SPATA6: variants seen among roughly 807,000 people sequenced by gnomAD.
The protein encoded by SPATA6 is spermatogenesis associated 6, also known as spermatogenesis-associated protein 6.
SPATA6 carries 56 observed loss-of-function variants against 65.3 expected under a neutral mutation model. The ratio of observed to expected loss-of-function variants is 0.86; its 90% confidence interval spans 0.69 to 1.07. The LOEUF is 1.07. Ranked by LOEUF, SPATA6 falls within the 50% of genes least tolerant of loss-of-function variation. The probability of loss-of-function intolerance (pLI) is 0.00; values close to 1 mark genes in which losing one functional copy is unlikely to be tolerated. For synonymous variants in SPATA6, 199 were observed against 213.2 expected (o/e 0.93, Z 0.58); for missense variants, 590 against 594.8 (o/e 0.99, Z 0.08).
the SPATA6 span, among the ~76,000 whole-genome samples, chr1:48,263,627 A>G: frequency 1.3e-5 from 2 of 152,164 alleles, no homozygotes; most frequent in African/African-American, 4.8e-5. Flanking sequence ...GACTGAAGTC[A>G]TGTCCCTACT....
intron 9 of SPATA6, among the ~76,000 whole-genome samples, chr1:48,363,427 CA>C (rs1278734318): frequency 6.6e-6 from 1 of 152,216 alleles, no homozygotes; most frequent in Admixed American, 6.5e-5. Flanking sequence ...AGACCCTGAG[CA>C]AGTCATTTAC....
chr1:48,318,846 A>G (rs1645516072), intron 11 of SPATA6, among the ~76,000 whole-genome samples: 1 of 152,210 alleles, frequency 6.6e-6, no homozygotes, highest in Non-Finnish European at 1.5e-5. Flanking sequence ...TGGAAGACTA[A>G]CAATTCCTGA....
rs142190268 is a variant in SPATA6, at chr1:48,324,209, T to C, written c.1195-18331A>G. Among the ~76,000 whole-genome samples, 799 of 152,278 alleles carry C rather than the reference T, an allele frequency of 5.2e-3. 20 individuals carry two copies. Among genetic ancestry groups the C allele is most frequent in the South Asian group, 0.05 (242 of 4,824 alleles). ...CTGGGCTCAAGAGATTCTCCCGCCT[T>C]GGCCTCCCAAAATGCTGGGATTACA... On this transcript the variant is annotated intron_variant, in intron 11 of 12. Transcript: ENST00000371847.
intron 1 of SPATA6, among the ~76,000 whole-genome samples, chr1:48,471,241 G>GT (rs1658217170): frequency 6.6e-6 from 1 of 152,198 alleles, no homozygotes. Flanking sequence ...AGTCTGGAGA[G>GT]TGAAGGGGTG....
chr1:48,267,752 G>GA, the SPATA6 span, among the ~76,000 whole-genome samples: 1 of 72,676 alleles, frequency 1.4e-5, no homozygotes, highest in Non-Finnish European at 2.4e-5. Context: ...TAGGGTCTGG[G>GA]TTTTTTTTTT....
At chr1:48,325,445 T>G in intron 11 of SPATA6, 3 of 1,235,154 alleles carry the variant, frequency 2.4e-6, no homozygotes, top group Non-Finnish European at 3.6e-6. Context: ...CCACTGCAGT[T>G]TGCACTATGT....
chr1:48,266,991 A>G, the SPATA6 span, among the ~76,000 whole-genome samples: 1 of 152,114 alleles, frequency 6.6e-6, no homozygotes, highest in South Asian at 2.1e-4. Context: ...ATTTTCTTTA[A>G]CCACAGAATA....
the SPATA6 span, among the ~76,000 whole-genome samples, chr1:48,270,210 C>T: frequency 3.3e-5 from 5 of 152,112 alleles, no homozygotes; most frequent in Non-Finnish European, 7.4e-5. Flanking sequence ...CATGAACTCT[C>T]AGGTCAGTTA....
At chr1:48,286,976 T>A in the SPATA6 span, among the ~76,000 whole-genome samples, 1,264 of 150,932 alleles carry the variant, frequency 8.4e-3, 23 homozygotes, top group African/African-American at 0.03. Flanking sequence ...GAGGCAGAAG[T>A]TGCAGTGAGC....
At chr1:48,264,372 C>CT in the SPATA6 span, among the ~76,000 whole-genome samples, 1 of 151,992 alleles carries the variant, frequency 6.6e-6, no homozygotes, top group Non-Finnish European at 1.5e-5. Context: ...TATTAAAAAT[C>CT]TTTTTTTGTT....
intron 8 of SPATA6, among the ~76,000 whole-genome samples, chr1:48,386,169 C>T (rs887160050): frequency 6.6e-5 from 10 of 152,110 alleles, no homozygotes; most frequent in African/African-American, 2.4e-4. Context: ...ATCAGAGAGT[C>T]AGAGTGATGA....
At chr1:48,282,891 T>A in the SPATA6 span, among the ~76,000 whole-genome samples, 1 of 152,108 alleles carries the variant, frequency 6.6e-6, no homozygotes, top group Admixed American at 6.5e-5. Flanking sequence ...CACATACATT[T>A]ATTGTGGCAC....
intron 11 of SPATA6, among the ~76,000 whole-genome samples, chr1:48,327,434 T>C (rs891226551): frequency 4.6e-5 from 7 of 152,214 alleles, no homozygotes; most frequent in Admixed American, 2.6e-4. Flanking sequence ...GAAAACAGTA[T>C]GGTGACATGT....
intron 8 of SPATA6, among the ~76,000 whole-genome samples, chr1:48,391,346 G>A (rs925417189): frequency 1.3e-5 from 2 of 151,506 alleles, no homozygotes; most frequent in Non-Finnish European, 2.9e-5. Context: ...ACGCCCACCA[G>A]CCTGGATAAC....
At chr1:48,399,249 A>G in intron 7 of SPATA6, 102 bp downstream of exon 7, 3 of 1,303,592 alleles carry the variant, frequency 2.3e-6, no homozygotes, top group South Asian at 3.0e-5. Flanking sequence ...AGAGAAAAGT[A>G]TTATTAATAT....
intron 1 of SPATA6, among the ~76,000 whole-genome samples, chr1:48,455,560 T>C (rs906927669): frequency 5.3e-5 from 8 of 152,102 alleles, no homozygotes; most frequent in Non-Finnish European, 4.4e-5. Flanking sequence ...TTTTGTATTT[T>C]TAATGGAGAC....
At chr1:48,312,935 G>A (rs1173343867) in intron 11 of SPATA6, among the ~76,000 whole-genome samples, 2 of 152,200 alleles carry the variant, frequency 1.3e-5, no homozygotes, top group African/African-American at 4.8e-5. Context: ...TCAACTGTAA[G>A]AAAGGGCATC....
At chr1:48,416,653 C>T (rs72895153) in intron 3 of SPATA6, among the ~76,000 whole-genome samples, 2,934 of 152,114 alleles carry the variant, frequency 0.019, 76 homozygotes, top group African/African-American at 0.066. Flanking sequence ...AGAAAGAATA[C>T]TTCTCAACTT....
chr1:48,281,601 A>C, the SPATA6 span, among the ~76,000 whole-genome samples: 8 of 151,634 alleles, frequency 5.3e-5, no homozygotes, highest in Non-Finnish European at 1.2e-4. Flanking sequence ...CAAAGAGAAT[A>C]AAATACCTAG....
Sources: gnomAD v4.1 joint callset for allele counts (sites outside exome capture counted in the v4.1 genomes callset) on GRCh38, gnomAD v4.1.1 for gene constraint, MANE v1.5 for transcripts, NCBI Gene and HGNC (gene_info 2026-07-23, HGNC 2026-07-21) for gene names.